CPLANE1: variants seen among roughly 807,000 people sequenced by gnomAD.
CPLANE1 encodes ciliogenesis and planar polarity effector 1.
In CPLANE1, 263 loss-of-function variants were observed where a neutral mutation model predicts 362.5. That is an observed-to-expected ratio of 0.73 (90% confidence interval 0.66 to 0.80). The LOEUF is 0.80. Ranked by LOEUF, CPLANE1 falls within the 30% of genes least tolerant of loss-of-function variation. The pLI is 0.00. For synonymous variants in CPLANE1, 1,212 were observed against 1,302.6 expected, an observed-to-expected ratio of 0.93 and a Z score of 1.50; for missense variants, 3,461 against 3,793.4, an observed-to-expected ratio of 0.91 and a Z score of 2.30.
At chr5:37,211,805 G>T (rs944184643) in intron 16 of CPLANE1, 2 of 801,080 alleles carry the variant, frequency 2.5e-6, no homozygotes, top group Admixed American at 3.4e-5. Context: ...TTTCAGATGC[G>T]GACAAGCTAG....
the CPLANE1 span, among the ~76,000 whole-genome samples, chr5:37,078,533 T>C: frequency 7.9e-5 from 12 of 152,294 alleles, no homozygotes; most frequent in East Asian, 2.3e-3. Context: ...ATCTTTATAA[T>C]AGAATGATTT....
At chr5:37,241,690 G>A (rs572418261) in intron 6 of CPLANE1, among the ~76,000 whole-genome samples, 3 of 152,192 alleles carry the variant, frequency 2.0e-5, no homozygotes, top group Non-Finnish European at 2.9e-5. Context: ...GCAGTGGCAC[G>A]ATTTGAACTC....
intron 16 of CPLANE1, among the ~76,000 whole-genome samples, chr5:37,208,662 G>A (rs1326100946): frequency 1.4e-5 from 2 of 143,174 alleles, no homozygotes; most frequent in Non-Finnish European, 3.0e-5. Flanking sequence ...GGGCGATAGA[G>A]CAAGACTCTG....
At chr5:37,170,812 C>T (rs554325696) in intron 32 of CPLANE1, among the ~76,000 whole-genome samples, 2 of 152,046 alleles carry the variant, frequency 1.3e-5, no homozygotes, top group Non-Finnish European at 2.9e-5. Context: ...GGCACGGGCC[C>T]GTAGTCCCAA....
At chr5:37,120,498 G>A (rs994318927) in intron 49 of CPLANE1, among the ~76,000 whole-genome samples, 158 bp from the exon 50 acceptor site, 3 of 152,082 alleles carry the variant, frequency 2.0e-5, no homozygotes, top group Admixed American at 2.0e-4. Context: ...GGAACCCAGA[G>A]AGTCGAGGCT....
At chr5:37,188,086 T>C (rs1317210750) in intron 21 of CPLANE1, among the ~76,000 whole-genome samples, 2 of 152,194 alleles carry the variant, frequency 1.3e-5, no homozygotes, top group Non-Finnish European at 2.9e-5. Flanking sequence ...AAACTATTTC[T>C]AATAGTAAAT....
Position 37,169,474 on chromosome 5 carries a change from A to G in CPLANE1, c.6550T>C (p.Ser2184Pro). Residue 2184 changes from serine (S) to proline (P), a missense_variant, in exon 34 of 53, where the codon TCC (serine) becomes CCC (proline). Around this residue, in one of 2 missense-constraint regions of CPLANE1, gnomAD observed 3,380 missense variants for 3,666.1 expected, o/e 0.92. Transcript: ENST00000651892. ...GCAGGAGCTGGATAAAACGAAGTGG[A>G]TGGTAAGTTTTGAGATGATGGAATT... is the stretch of plus-strand genomic sequence containing the variant. Reference protein sequence around the residue: ...GPIPSSQNLPSTSFYPAPAGN... With the variant: ...GPIPSSQNLPPTSFYPAPAGN... 2 of 1,614,120 alleles carry G rather than the reference A, an allele frequency of 1.2e-6. No homozygotes were observed. Among genetic ancestry groups the G allele is most frequent in the Non-Finnish European group, 1.7e-6 (2 of 1,179,998 alleles).
Position 37,245,822 on chromosome 5 carries a change from C to A in CPLANE1, c.105G>T (p.Leu35Phe). Residue 35 changes from leucine to phenylalanine, a missense_variant, in exon 3 of 53, where the codon TTG (leucine) becomes TTT (phenylalanine). By Grantham distance (22) the Leu-to-Phe change is conservative. Transcript: ENST00000651892. ...TAATTTCATTTATGAATTTATCATC[C>A]AAAAGAAAAACGGCTTCTTTTTCCT... ...LGKEKEAVFL[L>F]DDKFINEINL... The A allele has an allele frequency of 6.6e-7, 1 of 1,515,472 alleles. No individual in the cohort carries two copies. Among genetic ancestry groups the A allele is most frequent in the Non-Finnish European group, 8.8e-7 (1 of 1,134,266 alleles). The allele number at this position is 1,515,472 out of a possible 1,614,324, so 93.9% of individuals were successfully genotyped here. A position where few individuals can be genotyped will look rare whatever the true frequency, so the allele number is the denominator to read the frequency against.
chr5:37,129,513 T>G (rs1447987882), intron 46 of CPLANE1, among the ~76,000 whole-genome samples: 3 of 151,798 alleles, frequency 2.0e-5, no homozygotes, highest in African/African-American at 7.3e-5. Context: ...GACAAAGAAC[T>G]AATATCCAGA....
At chr5:37,203,835 T>G (rs79308126) in intron 18 of CPLANE1, among the ~76,000 whole-genome samples, 1 of 152,122 alleles carries the variant, frequency 6.6e-6, no homozygotes, top group African/African-American at 2.4e-5. Context: ...CACATTTTTG[T>G]GTACATGAAT....
the CPLANE1 span, chr5:37,085,151 C>G: frequency 1.3e-6 from 1 of 771,284 alleles, no homozygotes; most frequent in South Asian, 1.4e-5. Context: ...CTTGTCCATC[C>G]ACCAGTCCTC....
chr5:37,154,186 A>G (rs1012016285), intron 41 of CPLANE1, among the ~76,000 whole-genome samples, 193 bp from the exon 42 acceptor site: 1 of 152,178 alleles, frequency 6.6e-6, no homozygotes, highest in African/African-American at 2.4e-5. Flanking sequence ...TTACTACAAC[A>G]AAGTTCCACA....
At position 37,157,837 on chromosome 5, in the gene CPLANE1, A is replaced by G. The variant is rs574913543; in HGVS notation, c.7844T>C (p.Ile2615Thr). Reference sequence around the variant, plus strand: ...TTCCTGTAGAAGATCATTAGCTTCAATGTCAATCACATTTATATAAGTATG... The same window carrying G: ...TTCCTGTAGAAGATCATTAGCTTCAGTGTCAATCACATTTATATAAGTATG... ...VGHTYINVID[I>T]EANDLLQELP... is the part of the protein sequence containing the mutation. The change falls in exon 40 of 53, where the codon ATT (isoleucine) becomes ACT (threonine). Residue 2615 changes from isoleucine (I) to threonine (T), a missense_variant. This residue lies in a region of CPLANE1 where 3,380 missense variants were observed against 3,666.1 expected (regional missense o/e 0.92). Coordinates refer to ENST00000651892, the MANE Select transcript of CPLANE1 (RefSeq NM_001384732.1). The G allele has an allele frequency of 5.3e-5, 84 of 1,585,884 alleles. 1 individual carries two copies. In the East Asian group the frequency reaches 6.8e-4, roughly 13 times the overall value.
At chr5:37,229,270 G>A (rs1284203631) in intron 9 of CPLANE1, among the ~76,000 whole-genome samples, 1 of 151,178 alleles carries the variant, frequency 6.6e-6, no homozygotes, top group East Asian at 2.0e-4. Context: ...TATAATCGAG[G>A]AGGCCGGGCG....
At chr5:37,202,071 C>A (rs1477696859) in intron 18 of CPLANE1, among the ~76,000 whole-genome samples, 1 of 150,030 alleles carries the variant, frequency 6.7e-6, no homozygotes, top group African/African-American at 2.5e-5. Flanking sequence ...AGTTCTGAGT[C>A]AAAAATAATT....
In CPLANE1 at chr5:37,184,794, T is replaced by A. The variant is rs895907055; in HGVS notation, c.4475A>T (p.Tyr1492Phe). ...SVEEKSRINI[Y>F]QRNAPNHMEL... ...TAAAAGATCTCAATTGTACCTTTGA[T>A]AGATATTTATCCTACTTTTTTCTTC... Residue 1492 changes from tyrosine to phenylalanine, a missense_variant, in exon 25 of 53, where the codon TAT becomes TTT. Tyr to Phe is a conservative substitution (Grantham distance 22). Around this residue, in one of 2 missense-constraint regions of CPLANE1, gnomAD observed 3,380 missense variants for 3,666.1 expected, o/e 0.92. Transcript: ENST00000651892. 1.2e-6 allele frequency: 2 copies of A among 1,609,200 alleles called. No homozygotes were observed.
rs1407670419 is a variant in CPLANE1 at position 37,227,548 on chromosome 5, G to A, written c.1371+20C>T. The A allele has an allele frequency of 2.0e-6, 3 of 1,513,980 alleles. No individual in the cohort carries two copies. The highest frequency in any genetic ancestry group is 2.6e-6 in the Non-Finnish European group (3 of 1,132,666). The allele number at this position is 1,513,980 out of a possible 1,614,324, so 93.8% of individuals were successfully genotyped here. A position where few individuals can be genotyped will look rare whatever the true frequency, so the allele number is the denominator to read the frequency against. On this transcript the variant is annotated intron_variant, in intron 10 of 52. Transcript: ENST00000651892. ...AAAGAAAAAGGCAACTTTCCCCAAT[G>A]ATATAAAAAAGCACTATACCTTAGA...
intron 6 of CPLANE1, among the ~76,000 whole-genome samples, chr5:37,242,656 A>G (rs954387864): frequency 6.6e-6 from 1 of 152,206 alleles, no homozygotes; most frequent in Non-Finnish European, 1.5e-5. Context: ...AAAGCCTCAG[A>G]ACTTGAAACT....
At chr5:37,146,582 A>G (rs1206962707) in intron 43 of CPLANE1, among the ~76,000 whole-genome samples, 1 of 152,210 alleles carries the variant, frequency 6.6e-6, no homozygotes, top group Admixed American at 6.5e-5. Context: ...TATTGTGCTT[A>G]TGTTTTAAAA....
Sources: allele counts gnomAD v4.1 joint callset (sites outside exome capture counted in the v4.1 genomes callset), GRCh38; gene constraint gnomAD v4.1.1; regional missense constraint gnomAD v4.1.1; transcripts MANE v1.5; gene names NCBI Gene and HGNC (gene_info 2026-07-23, HGNC 2026-07-21).